The following CARD19 variants were observed in gnomAD, a reference collection of about 807,000 sequenced individuals.
CARD19 encodes the protein caspase recruitment domain family member 19.
A neutral mutation model predicts 24.1 loss-of-function variants in CARD19; 25 were observed. The ratio of observed to expected loss-of-function variants is 1.04; its 90% confidence interval spans 0.76 to 1.45. The LOEUF (loss-of-function observed/expected upper bound fraction) is 1.45, where lower values mean the gene tolerates loss of function less well. Among genes scored for constraint, CARD19 ranks in the 40% most tolerant of loss-of-function variants. CARD19 has a pLI of 0.00. For synonymous variants in CARD19, 103 were observed against 104.9 expected (o/e 0.98, Z 0.11); for missense variants, 241 against 247.4 (o/e 0.97, Z 0.17).
Position 93,096,255 on chromosome 9 carries a change from G to C in CARD19, c.-91G>C, listed in dbSNP as rs1191824246. The C allele has an allele frequency of 2.0e-5, 24 of 1,199,930 alleles. No homozygotes were observed. The highest frequency in any genetic ancestry group is 2.5e-5 in the Non-Finnish European group (24 of 961,734). 74.3% of individuals were successfully genotyped at this position (1,199,930 alleles called of 1,614,324 possible). ...CGAGCACGGCCCGCGGGCGGCGTTC[G>C]CTGGAGCTGGTGGACCGGGCGGCTG... is the stretch of plus-strand genomic sequence containing the variant. On this transcript the variant is annotated 5_prime_UTR_variant, in exon 1 of 6. Transcript: ENST00000375464. This position sits in a 1 kb window ranked among gnomAD's most constrained non-coding sequence, Gnocchi z 5.4.
At position 93,110,637 on chromosome 9, in the gene CARD19, G is replaced by A; in HGVS notation, c.220G>A (p.Glu74Lys). 3 of 1,613,868 alleles carry A rather than the reference G, an allele frequency of 1.9e-6. No homozygotes were observed. The highest frequency in any genetic ancestry group is 2.2e-5 in the South Asian group (2 of 91,076). Residue 74 changes from glutamate (E) to lysine (K), a missense_variant, in exon 3 of 6, where the codon GAG becomes AAG. Glu to Lys is a moderately conservative substitution (Grantham distance 56). Transcript: ENST00000375464. ...CCTGAGCCACCTGCAGCGGAGCGGT[G>A]AGCGGGACTGCCAGGAGTTCTACCG... ...DLLSHLQRSGERDCQEFYRAL... is the reference protein window; with the variant it reads ...DLLSHLQRSGKRDCQEFYRAL...
chr9:93,112,865 G>A (rs931263632), intron 5 of CARD19, 127 bp from the exon 6 acceptor site: 15 of 621,900 alleles, frequency 2.4e-5, no homozygotes, highest in Non-Finnish European at 3.4e-5. Flanking sequence ...CTCAAGCCGA[G>A]ACCATGACCG....
chr9:93,107,839 A>G (rs1412432698), intron 2 of CARD19, 23 bp downstream of exon 2: 1 of 1,613,776 alleles, frequency 6.2e-7, no homozygotes, highest in African/African-American at 1.3e-5. Context: ...TGAGGGGGGT[A>G]CCCGAGACAC....
chr9:93,097,533 T>C (rs1348447206), intron 1 of CARD19, among the ~76,000 whole-genome samples: 1 of 152,206 alleles, frequency 6.6e-6, no homozygotes, highest in African/African-American at 2.4e-5. Context: ...TGTGTACAGA[T>C]GGGGAAACAA....
rs753787468 is a variant in CARD19 at position 93,110,641 on chromosome 9, G to C, written c.224G>C (p.Arg75Pro). The C allele has an allele frequency of 2.9e-5, 46 of 1,613,708 alleles. No individual in the cohort carries two copies. Among genetic ancestry groups the C allele is most frequent in the Non-Finnish European group, 3.5e-5 (41 of 1,180,030 alleles). Residue 75 changes from arginine to proline, a missense_variant, in exon 3 of 6, where the codon CGG (arginine) becomes CCG (proline). Coordinates refer to ENST00000375464, the MANE Select transcript of CARD19 (RefSeq NM_032310.5). ...AGCCACCTGCAGCGGAGCGGTGAGC[G>C]GGACTGCCAGGAGTTCTACCGAGCC... Reference protein sequence around the residue: ...LLSHLQRSGERDCQEFYRALY... With the variant: ...LLSHLQRSGEPDCQEFYRALY...
chr9:93,103,608 G>A (rs1377436404), intron 1 of CARD19, among the ~76,000 whole-genome samples: 2 of 152,168 alleles, frequency 1.3e-5, no homozygotes, highest in Non-Finnish European at 2.9e-5. Context: ...TCATGTTGAT[G>A]AAATTTCCTT....
intron 1 of CARD19, among the ~76,000 whole-genome samples, chr9:93,098,854 A>G (rs993649727): frequency 6.7e-6 from 1 of 150,142 alleles, no homozygotes; most frequent in Non-Finnish European, 1.5e-5. Flanking sequence ...GCCACGGTCC[A>G]CCTACAGCCC....
intron 2 of CARD19, among the ~76,000 whole-genome samples, chr9:93,109,249 TCACAGACAC>T (rs1172665045): frequency 6.6e-6 from 1 of 152,206 alleles, no homozygotes; most frequent in Non-Finnish European, 1.5e-5. Context: ...TATTCCTTCC[TCACAGACAC>T]CACAGCTCCT....
intron 1 of CARD19, 117 bp from the exon 2 acceptor site, chr9:93,107,557 T>C: frequency 8.4e-7 from 1 of 1,190,084 alleles, no homozygotes; most frequent in South Asian, 1.4e-5. Context: ...AGGTTCACCC[T>C]CCTGGTGGGA....
intron 2 of CARD19, chr9:93,109,794 A>G (rs536533184): frequency 1.3e-5 from 2 of 152,098 alleles, no homozygotes; most frequent in African/African-American, 2.4e-5. Flanking sequence ...TAAAACTTGA[A>G]TCACATTCTG....
intron 3 of CARD19, chr9:93,111,128 A>C: frequency 8.1e-7 from 1 of 1,234,776 alleles, no homozygotes; most frequent in Non-Finnish European, 1.0e-6. Context: ...GAATTACCCA[A>C]CCCCATGACG....
chr9:93,107,570 C>A, intron 1 of CARD19, 104 bp from the exon 2 acceptor site: 1 of 1,378,192 alleles, frequency 7.3e-7, no homozygotes, highest in Non-Finnish European at 1.0e-6. Context: ...TGGTGGGAAC[C>A]CACCTTGGGG....
At chr9:93,109,471 C>CTT (rs5899172) in intron 2 of CARD19, among the ~76,000 whole-genome samples, 235 of 148,518 alleles carry the variant, frequency 1.6e-3, no homozygotes, top group Middle Eastern at 0.01. Flanking sequence ...ATACTTCTGT[C>CTT]TTTTTTTTTT....
intron 1 of CARD19, among the ~76,000 whole-genome samples, chr9:93,101,442 A>G (rs1827078704): frequency 6.9e-6 from 1 of 145,078 alleles, no homozygotes; most frequent in African/African-American, 2.6e-5. Context: ...TCACACGGTA[A>G]TTCTTTTTTT....
chr9:93,102,373 C>G (rs1048918463), intron 1 of CARD19, among the ~76,000 whole-genome samples: 1 of 152,090 alleles, frequency 6.6e-6, no homozygotes, highest in African/African-American at 2.4e-5. Context: ...TTCTCTGTGT[C>G]TTTTGCTGTT....
intron 1 of CARD19, among the ~76,000 whole-genome samples, chr9:93,102,666 T>A: frequency 6.6e-6 from 1 of 151,744 alleles, no homozygotes; most frequent in East Asian, 1.9e-4. Context: ...TTTTTTTTTT[T>A]TAAGATTTTT....
chr9:93,106,581 A>AAAC (rs201473454), intron 1 of CARD19, among the ~76,000 whole-genome samples: 1 of 151,394 alleles, frequency 6.6e-6, no homozygotes, highest in African/African-American at 2.4e-5. Context: ...AAAAAACAAA[A>AAAC]AAAAAAAAAC....
chr9:93,102,125 C>T (rs1827108258), intron 1 of CARD19, among the ~76,000 whole-genome samples: 1 of 151,996 alleles, frequency 6.6e-6, no homozygotes, highest in South Asian at 2.1e-4. Flanking sequence ...CCATGCCCGA[C>T]TAATTTTTGT....
At chr9:93,103,932 T>A (rs183598425) in intron 1 of CARD19, among the ~76,000 whole-genome samples, 5 of 152,362 alleles carry the variant, frequency 3.3e-5, no homozygotes, top group Admixed American at 3.3e-4. Flanking sequence ...TCAGTACTGT[T>A]ACTTTGAGGA....
Sources: gnomAD v4.1 joint callset for allele counts (sites outside exome capture counted in the v4.1 genomes callset) on GRCh38, gnomAD v4.1.1 for gene constraint, Gnocchi (gnomAD v3.1) non-coding constraint, MANE v1.5 for transcripts, NCBI Gene and HGNC (gene_info 2026-07-23, HGNC 2026-07-21) for gene names.